Variants in MED4 observed in about 807,000 individuals in gnomAD.
MED4 encodes mediator of RNA polymerase II transcription subunit 4.
Under a neutral mutation model 35.0 loss-of-function variants are expected in MED4, and 21 were observed. The ratio of observed to expected loss-of-function variants is 0.60; its 90% CI spans 0.43 to 0.86. MED4 has a LOEUF of 0.86. Ranked by LOEUF, MED4 falls within the 40% of genes least tolerant of loss-of-function variation. MED4 has a pLI of 0.00. For missense variants in MED4, 300 were observed against 319.4 expected, an observed-to-expected ratio of 0.94 and a Z score of 0.46; for synonymous variants, 138 against 114.0, an observed-to-expected ratio of 1.21 and a Z score of -1.34.
rs367784199 is a variant in MED4 at position 48,095,089 on chromosome 13, G to A, written c.-11C>T. The stretch of plus-strand genomic sequence containing the variant: ...CGAAGACGCAGCCATTTTCCCCAGA[G>A]TCCCGCCACCGGCGCACGCGCAGAG... On this transcript the variant is annotated 5_prime_UTR_variant, in exon 1 of 7. Transcript: ENST00000258648. The A allele has an allele frequency of 2.0e-5, 32 of 1,601,622 alleles. No homozygotes were observed. In the Middle Eastern group the frequency reaches 6.6e-4, roughly 33 times the overall value.
At chr13:48,091,501 A>G (rs577672671) in intron 1 of MED4, among the ~76,000 whole-genome samples, 24 of 152,170 alleles carry the variant, frequency 1.6e-4, no homozygotes, top group Non-Finnish European at 2.6e-4. Flanking sequence ...TCCAGCTAGC[A>G]TCATATCATT....
In MED4 at chr13:48,076,945, G is replaced by A; in HGVS notation, c.*194C>T. On this transcript the variant is annotated 3_prime_UTR_variant, in exon 7 of 7. Coordinates refer to ENST00000258648, the MANE Select transcript of MED4 (RefSeq NM_014166.4). ...TATTCCCCTAAATATCTACCTAGTG[G>A]CTTAAAACTAAAACTATGGTCTTTG... 2.1e-6 allele frequency: 1 copy of A among 477,602 alleles called. No homozygotes were observed. The highest frequency in any genetic ancestry group is 3.5e-5 in the South Asian group (1 of 28,576). 29.6% of individuals were successfully genotyped at this position (477,602 alleles called of 1,614,324 possible).
At chr13:48,083,568 C>A in intron 3 of MED4, 140 bp from the exon 4 acceptor site, 1 of 591,840 alleles carries the variant, frequency 1.7e-6, no homozygotes. Flanking sequence ...TTGTAATGTT[C>A]TGAAATACCA....
At chr13:48,087,544 G>T (rs1950859908) in intron 2 of MED4, among the ~76,000 whole-genome samples, 1 of 151,138 alleles carries the variant, frequency 6.6e-6, no homozygotes, top group Admixed American at 6.6e-5. Flanking sequence ...TTACAATGAA[G>T]ATGATCTTAA....
chr13:48,080,105 G>C, intron 5 of MED4, 130 bp from the exon 6 acceptor site: 1 of 1,038,972 alleles, frequency 9.6e-7, no homozygotes, highest in Non-Finnish European at 1.4e-6. Context: ...TTGAAATACA[G>C]AAGTCATCTG....
At position 48,086,465 on chromosome 13, in the gene MED4, A is replaced by G. The variant is rs997507104; in HGVS notation, c.193-13T>C. The G allele has an allele frequency of 1.9e-6, 3 of 1,611,568 alleles. No homozygotes were observed. Among genetic ancestry groups the G allele is most frequent in the African/African-American group, 1.3e-5 (1 of 74,742 alleles). ...ACAACTCCAGGACCTGTCAGATAAC[A>G]GTCAATTAAATCAGACAATAGACTA... On this transcript the variant is annotated splice_polypyrimidine_tract_variant and intron_variant, in intron 2 of 6. Transcript: ENST00000258648.
At position 48,081,707 on chromosome 13, in the gene MED4, A is replaced by AT; in HGVS notation, c.445dup (p.Ile149AsnfsTer2). ...TGCACTGATCCTATGTGCATACTTA[A>AT]TTATTTCTTCAGAGGAGATAGCACC... is the stretch of plus-strand genomic sequence containing the variant. On this transcript the variant is annotated frameshift_variant, in exon 5 of 7. Coordinates refer to ENST00000258648, the MANE Select transcript of MED4 (RefSeq NM_014166.4). LOFTEE classifies it high-confidence loss of function. 2 of 1,611,528 alleles carry AT rather than the reference A, an allele frequency of 1.2e-6. No individual in the cohort carries two copies. Among genetic ancestry groups the AT allele is most frequent in the Non-Finnish European group, 1.7e-6 (2 of 1,178,956 alleles).
chr13:48,093,168 C>T (rs1950902119), intron 1 of MED4, among the ~76,000 whole-genome samples: 1 of 152,140 alleles, frequency 6.6e-6, no homozygotes, highest in African/African-American at 2.4e-5. Context: ...CAGTAATACA[C>T]TTTTCAGGTA....
chr13:48,089,051 CAAAT>C (rs902577003), intron 2 of MED4, among the ~76,000 whole-genome samples: 4 of 152,202 alleles, frequency 2.6e-5, no homozygotes, highest in Non-Finnish European at 5.9e-5. Context: ...AAGTGTCTAT[CAAAT>C]AAAGTCAAGC....
chr13:48,092,908 G>A (rs978602627), intron 1 of MED4, among the ~76,000 whole-genome samples: 3 of 152,090 alleles, frequency 2.0e-5, no homozygotes, highest in Non-Finnish European at 4.4e-5. Flanking sequence ...GGCTTTACAA[G>A]GCTTGCCTTA....
rs1352835986 is a variant in MED4 at position 48,095,090 on chromosome 13, TCCCGCCACC to T, written c.-21_-13del. ...GAAGACGCAGCCATTTTCCCCAGAGTCCCGCCACCGGCGCACGCGCAGAGCGAGCTGACG... is the reference window on the plus strand; with the variant it reads ...GAAGACGCAGCCATTTTCCCCAGAGTGGCGCACGCGCAGAGCGAGCTGACG... On this transcript the variant is annotated 5_prime_UTR_variant, in exon 1 of 7. Transcript: ENST00000258648. 1.2e-6 allele frequency: 2 copies of T among 1,601,210 alleles called. No homozygotes were observed. The highest frequency in any genetic ancestry group is 2.7e-5 in the African/African-American group (2 of 74,850).
At chr13:48,086,169 T>G in intron 3 of MED4, 113 bp downstream of exon 3, 2 of 962,880 alleles carry the variant, frequency 2.1e-6, no homozygotes, top group Non-Finnish European at 3.1e-6. Context: ...AGATATCACC[T>G]TTAGACTTGG....
chr13:48,081,043 A>T (rs1950804981), intron 5 of MED4, among the ~76,000 whole-genome samples: 1 of 152,254 alleles, frequency 6.6e-6, no homozygotes, highest in African/African-American at 2.4e-5. Flanking sequence ...CAGCATGGTA[A>T]CACAGCACCT....
At chr13:48,079,771 C>T (rs890779895) in intron 6 of MED4, 73 bp downstream of exon 6, 19 of 1,528,348 alleles carry the variant, frequency 1.2e-5, no homozygotes, top group Non-Finnish European at 1.5e-5. Context: ...CTTGCTTTAC[C>T]GCCAGATATT....
chr13:48,085,299 G>A (rs1369648365), intron 3 of MED4, among the ~76,000 whole-genome samples: 1 of 151,630 alleles, frequency 6.6e-6, no homozygotes, highest in African/African-American at 2.4e-5. Context: ...AGTCTCCTGA[G>A]TAGCTGGAAT....
rs1950910150 is a variant in MED4, at chr13:48,094,311, C to T, written c.125+643G>A. On this transcript the variant is annotated intron_variant, in intron 1 of 6. Transcript: ENST00000258648. ...AATGGGAGGGAGTCAAGGAAGGCTT[C>T]AACTTGAAAGACTTATCATGAAAGG... Among the ~76,000 whole-genome samples the T allele has an allele frequency of 2.0e-5, 3 of 152,248 alleles. No homozygotes were observed. The South Asian group carries it at 6.2e-4, about 32-fold the overall frequency.
chr13:48,077,427 C>A (rs1950769463), intron 6 of MED4, 116 bp from the exon 7 acceptor site: 2 of 897,930 alleles, frequency 2.2e-6, no homozygotes, highest in South Asian at 2.3e-5. Flanking sequence ...TTTTTCTCTT[C>A]TTTTTTTGAC....
chr13:48,085,257 T>C (rs1950840919), intron 3 of MED4, among the ~76,000 whole-genome samples: 1 of 151,292 alleles, frequency 6.6e-6, no homozygotes, highest in Admixed American at 6.6e-5. Context: ...CTGCAACCTA[T>C]GCCTCCCAGG....
Position 48,086,423 on chromosome 13 carries a change from C to G in MED4, c.222G>C (p.Gly74=). 1 of 1,613,372 alleles carries G rather than the reference C, an allele frequency of 6.2e-7. No homozygotes were observed. Among genetic ancestry groups the G allele is most frequent in the Non-Finnish European group, 8.5e-7 (1 of 1,179,820 alleles). Residue 74 remains glycine, a synonymous_variant, in exon 3 of 7, where the codon GGG becomes GGC. Coordinates refer to ENST00000258648, the MANE Select transcript of MED4 (RefSeq NM_014166.4). The part of the protein sequence containing the change: ...QVLELLIHRD[G]EFQELMKLAL... ...CCAATTTCATTAGTTCTTGAAATTC[C>G]CCATCTCGGTGAATTAACAACTCCA...
Sources: allele counts gnomAD v4.1 joint callset (sites outside exome capture counted in the v4.1 genomes callset), GRCh38; gene constraint gnomAD v4.1.1; transcripts MANE v1.5; gene names NCBI Gene and HGNC (gene_info 2026-07-23, HGNC 2026-07-21).